The following DISC1 variants were observed in gnomAD, a reference collection of about 807,000 sequenced individuals.
DISC1 encodes disrupted in schizophrenia 1 protein.
In DISC1, 57 loss-of-function variants were observed where a neutral mutation model predicts 84.5. The ratio of observed to expected loss-of-function variants is 0.67; its 90% confidence interval spans 0.55 to 0.84. DISC1 has a LOEUF of 0.84. Among genes scored for constraint, DISC1 ranks in the 40% least tolerant of loss-of-function variants. DISC1 has a pLI of 0.00. For synonymous variants in DISC1, 411 were observed against 415.2 expected, an observed-to-expected ratio of 0.99 and a Z score of 0.12; for missense variants, 1,000 against 1,057.8, an observed-to-expected ratio of 0.95 and a Z score of 0.76.
At chr1:231,952,090 CAAAAA>C (rs11392611) in intron 9 of DISC1, among the ~76,000 whole-genome samples, 6 of 54,244 alleles carry the variant, frequency 1.1e-4, no homozygotes, top group East Asian at 6.1e-4. Flanking sequence ...CTCAATGTCT[CAAAAA>C]AAAAAAAAAA....
At chr1:231,932,043 G>A (rs1454263019) in intron 9 of DISC1, among the ~76,000 whole-genome samples, 1 of 152,188 alleles carries the variant, frequency 6.6e-6, no homozygotes, top group African/African-American at 2.4e-5. Flanking sequence ...CCTGGTGGCA[G>A]TGTCCCAAAT....
intron 1 of DISC1, among the ~76,000 whole-genome samples, chr1:231,665,450 T>C (rs573940533): frequency 6.6e-6 from 1 of 152,242 alleles, no homozygotes; most frequent in Non-Finnish European, 1.5e-5. Context: ...TTGCTTGATG[T>C]GTGCTATAAA....
At position 231,666,675 on chromosome 1, in the gene DISC1, C is replaced by T. The variant is rs61835364; in HGVS notation, c.68-27151C>T. On this transcript the variant is annotated intron_variant, in intron 1 of 12. Coordinates refer to ENST00000439617, the MANE Select transcript of DISC1 (RefSeq NM_018662.3). ...CTACATACACTTCAGGTGGCATGGG[C>T]TCTCCCAGCCATTTCGATACATGAC... 4.8e-3 allele frequency among the ~76,000 whole-genome samples: 731 copies of T among 152,314 alleles called. 2 individuals carry two copies. Among genetic ancestry groups the T allele is most frequent in the Admixed American group, 8.5e-3 (130 of 15,298 alleles).
intron 9 of DISC1, among the ~76,000 whole-genome samples, chr1:231,942,127 G>C (rs916448424): frequency 1.3e-5 from 2 of 152,140 alleles, no homozygotes; most frequent in Non-Finnish European, 2.9e-5. Flanking sequence ...CCACCTGAAG[G>C]TTTTGGGAAG....
chr1:232,001,693 G>A (rs1229014247), intron 10 of DISC1, among the ~76,000 whole-genome samples: 1 of 152,024 alleles, frequency 6.6e-6, no homozygotes, highest in African/African-American at 2.4e-5. Context: ...TAGGGAAAAA[G>A]ATGAACTCAA....
At chr1:231,660,811 T>C (rs888230357) in intron 1 of DISC1, among the ~76,000 whole-genome samples, 4 of 152,194 alleles carry the variant, frequency 2.6e-5, no homozygotes, top group Admixed American at 6.5e-5. Flanking sequence ...CCTGTCATCA[T>C]GATGCTAGCT....
chr1:231,859,827 C>T (rs1451009968), intron 9 of DISC1, among the ~76,000 whole-genome samples: 12 of 152,098 alleles, frequency 7.9e-5, no homozygotes, highest in African/African-American at 2.9e-4. Flanking sequence ...GGCTCTTCTG[C>T]CAGATTTTGT....
At chr1:231,693,803 G>T in intron 1 of DISC1, 23 bp from the exon 2 acceptor site, 1 of 1,612,360 alleles carries the variant, frequency 6.2e-7, no homozygotes, top group Non-Finnish European at 8.5e-7. Flanking sequence ...TGTTTATGGT[G>T]CTGTTTTTTC....
At chr1:231,831,559 T>G (rs1342209673) in intron 9 of DISC1, among the ~76,000 whole-genome samples, 2 of 150,904 alleles carry the variant, frequency 1.3e-5, no homozygotes, top group Non-Finnish European at 3.0e-5. Context: ...AGCCACCTTA[T>G]CAGCATAAGC....
chr1:231,968,375 A>G (rs192687373), intron 10 of DISC1, among the ~76,000 whole-genome samples: 111 of 152,146 alleles, frequency 7.3e-4, no homozygotes, highest in African/African-American at 2.6e-3. Flanking sequence ...ACAACATGGG[A>G]GGCGGAGGCA....
intron 10 of DISC1, among the ~76,000 whole-genome samples, chr1:231,995,525 G>A (rs1572545066): frequency 6.6e-6 from 1 of 151,364 alleles, no homozygotes; most frequent in Admixed American, 6.6e-5. Flanking sequence ...AGAGTGTGAT[G>A]TTCCCCTTCC....
rs1321682621 is a variant in DISC1 at position 231,826,410 on chromosome 1, T to C, written c.1981+7893T>C. Among the ~76,000 whole-genome samples, 1 of 152,222 alleles carries C rather than the reference T, an allele frequency of 6.6e-6. No homozygotes were observed. Among genetic ancestry groups the C allele is most frequent in the Non-Finnish European group, 1.5e-5 (1 of 68,040 alleles). On this transcript the variant is annotated intron_variant, in intron 9 of 12. Transcript: ENST00000439617. The surrounding 1 kb of genome is among the most constrained non-coding windows in gnomAD (Gnocchi z 4.2). ...TCTACAAAAAGTCATCTATTGATGA[T>C]GTTGAACATCCTGAAAAGACGGGTA...
At chr1:231,990,394 CCCAGG>C (rs1665049543) in intron 10 of DISC1, among the ~76,000 whole-genome samples, 1 of 152,036 alleles carries the variant, frequency 6.6e-6, no homozygotes. Flanking sequence ...CCCCACCCCA[CCCAGG>C]CACCACCCTC....
intron 9 of DISC1, among the ~76,000 whole-genome samples, chr1:231,848,733 T>A (rs2083641146): frequency 6.6e-6 from 1 of 152,240 alleles, no homozygotes; most frequent in African/African-American, 2.4e-5. Context: ...TGATCTTCAG[T>A]TTTTGTGCAT....
intron 1 of DISC1, among the ~76,000 whole-genome samples, chr1:231,690,008 G>A (rs1331215429): frequency 6.6e-6 from 1 of 152,136 alleles, no homozygotes; most frequent in Non-Finnish European, 1.5e-5. Flanking sequence ...ATAAGAGGGA[G>A]GGCTGACAGG....
chr1:231,866,208 G>T (rs1346124673), intron 9 of DISC1, among the ~76,000 whole-genome samples: 1 of 152,050 alleles, frequency 6.6e-6, no homozygotes, highest in Non-Finnish European at 1.5e-5. Flanking sequence ...AGCTTCCTAT[G>T]GGAGCTGTTC....
At chr1:231,627,015 C>G (rs2058308576) in intron 1 of DISC1, 81 bp downstream of exon 1, 1 of 1,029,012 alleles carries the variant, frequency 9.7e-7, no homozygotes, top group Non-Finnish European at 1.4e-6. Flanking sequence ...CAGGAAGTCG[C>G]GTAGGTCAGG....
At chr1:231,862,313 T>C (rs1326675442) in intron 9 of DISC1, among the ~76,000 whole-genome samples, 1 of 152,180 alleles carries the variant, frequency 6.6e-6, no homozygotes, top group Non-Finnish European at 1.5e-5. Context: ...GCATTCTTGG[T>C]GTTCTCATCA....
chr1:231,652,268 A>C (rs2060690671), intron 1 of DISC1, among the ~76,000 whole-genome samples: 2 of 152,226 alleles, frequency 1.3e-5, no homozygotes, highest in Non-Finnish European at 2.9e-5. Flanking sequence ...AATAACTGTG[A>C]AATGTGCACA....
Sources: allele counts gnomAD v4.1 joint callset (sites outside exome capture counted in the v4.1 genomes callset), GRCh38; gene constraint gnomAD v4.1.1; non-coding constraint Gnocchi (gnomAD v3.1); transcripts MANE v1.5; gene names NCBI Gene and HGNC (gene_info 2026-07-23, HGNC 2026-07-21).